Variants in EVI5 observed in about 807,000 individuals in gnomAD.
EVI5 encodes the protein ecotropic viral integration site 5 protein homolog.
EVI5 carries 73 observed loss-of-function variants against 112.0 expected under a neutral mutation model. The observed-to-expected ratio is 0.65, with a 90% CI of 0.54 to 0.79. EVI5 has a LOEUF of 0.79. Ranked by LOEUF, EVI5 falls within the 30% of genes least tolerant of loss-of-function variation. The pLI, the probability that EVI5 is intolerant of heterozygous loss-of-function variation, is 0.00. For missense variants in EVI5, 900 were observed against 968.8 expected, an observed-to-expected ratio of 0.93 and a Z score of 0.94; for synonymous variants, 305 against 319.9, an observed-to-expected ratio of 0.95 and a Z score of 0.50.
chr1:92,642,764 A>C (rs1401057894), intron 13 of EVI5, among the ~76,000 whole-genome samples: 3 of 151,928 alleles, frequency 2.0e-5, no homozygotes, highest in African/African-American at 7.3e-5. Flanking sequence ...GAATTATAGA[A>C]AAGGGAGGGA....
intron 2 of EVI5, among the ~76,000 whole-genome samples, chr1:92,721,990 C>G (rs1254972511): frequency 3.3e-5 from 5 of 152,168 alleles, no homozygotes; most frequent in Non-Finnish European, 7.3e-5. Flanking sequence ...TACCCTTTAG[C>G]ACTGTCTGTA....
intron 13 of EVI5, among the ~76,000 whole-genome samples, chr1:92,643,162 A>C (rs1364243759): frequency 6.6e-6 from 1 of 152,190 alleles, no homozygotes; most frequent in East Asian, 1.9e-4. Flanking sequence ...GGCTTCTTGG[A>C]AAAACTCATA....
chr1:92,698,319 G>A (rs929229564), intron 5 of EVI5, among the ~76,000 whole-genome samples: 10 of 152,126 alleles, frequency 6.6e-5, no homozygotes, highest in African/African-American at 2.4e-4. Context: ...TATTCTCAAG[G>A]AACCTGAATT....
chr1:92,743,301 C>T (rs1302613544), intron 1 of EVI5, among the ~76,000 whole-genome samples: 2 of 151,986 alleles, frequency 1.3e-5, no homozygotes, highest in Non-Finnish European at 2.9e-5. Context: ...TGCAGTGCAT[C>T]AAGATCGTGC....
chr1:92,551,605 A>G (rs1339120814), intron 19 of EVI5, among the ~76,000 whole-genome samples: 1 of 152,212 alleles, frequency 6.6e-6, no homozygotes, highest in Non-Finnish European at 1.5e-5. Context: ...AATATGCATA[A>G]TACTACAGTC....
intron 1 of EVI5, among the ~76,000 whole-genome samples, chr1:92,770,957 A>G (rs1057193783): frequency 1.3e-4 from 20 of 150,160 alleles, no homozygotes; most frequent in Non-Finnish European, 2.5e-4. Context: ...CTGGGATTAC[A>G]GGCACCTGAC....
chr1:92,585,625 CTA>C (rs1460264942), intron 18 of EVI5, among the ~76,000 whole-genome samples: 1 of 152,120 alleles, frequency 6.6e-6, no homozygotes, highest in Non-Finnish European at 1.5e-5. Flanking sequence ...CTCCTAAAAA[CTA>C]TGGACTCACA....
chr1:92,565,226 A>G (rs1011789767), intron 18 of EVI5, among the ~76,000 whole-genome samples: 4 of 152,122 alleles, frequency 2.6e-5, no homozygotes, highest in African/African-American at 4.8e-5. Context: ...TCTTTCCACG[A>G]TATTTTACAC....
intron 10 of EVI5, among the ~76,000 whole-genome samples, chr1:92,675,749 G>C (rs190560987): frequency 1.3e-3 from 193 of 152,248 alleles, no homozygotes; most frequent in African/African-American, 4.3e-3. Flanking sequence ...GAGGTCAGGA[G>C]ATCGAGACCA....
At chr1:92,675,469 T>G (rs962070776) in intron 10 of EVI5, among the ~76,000 whole-genome samples, 21 of 152,226 alleles carry the variant, frequency 1.4e-4, no homozygotes, top group Non-Finnish European at 7.3e-5. Flanking sequence ...GAGTAAGGAT[T>G]GTTCATAGAA....
chr1:92,578,386 T>C (rs1393083238), intron 18 of EVI5, among the ~76,000 whole-genome samples: 1 of 152,144 alleles, frequency 6.6e-6, no homozygotes, highest in Non-Finnish European at 1.5e-5. Context: ...TCCTCATAGG[T>C]GGCTTGAACT....
intron 1 of EVI5, among the ~76,000 whole-genome samples, chr1:92,737,621 C>CAAA (rs5776154): frequency 6.6e-6 from 1 of 150,968 alleles, no homozygotes; most frequent in African/African-American, 2.4e-5. Flanking sequence ...TGTACACACA[C>CAAA]AAAAAAAAAT....
intron 14 of EVI5, among the ~76,000 whole-genome samples, chr1:92,632,745 A>C (rs968798481): frequency 9.9e-5 from 15 of 151,886 alleles, no homozygotes; most frequent in African/African-American, 3.6e-4. Flanking sequence ...TTGCTTCTCT[A>C]GTTCTTTTAA....
intron 17 of EVI5, among the ~76,000 whole-genome samples, chr1:92,606,775 CCTA>C (rs1571852636): frequency 6.6e-6 from 1 of 152,002 alleles, no homozygotes; most frequent in Non-Finnish European, 1.5e-5. Flanking sequence ...GGGCATCATT[CCTA>C]CTATCTCACC....
chr1:92,687,339 G>A (rs1668722303), intron 9 of EVI5, among the ~76,000 whole-genome samples: 1 of 152,168 alleles, frequency 6.6e-6, no homozygotes, highest in Non-Finnish European at 1.5e-5. Context: ...CTAGCTATAT[G>A]TAGAAAGCTG....
At chr1:92,759,858 C>T (rs550048033) in intron 1 of EVI5, among the ~76,000 whole-genome samples, 2 of 131,278 alleles carry the variant, frequency 1.5e-5, no homozygotes, top group Admixed American at 7.9e-5. Flanking sequence ...TACAAATACC[C>T]TCCCCCCCAC....
At chr1:92,550,305 G>C (rs926040996) in intron 19 of EVI5, among the ~76,000 whole-genome samples, 2 of 139,198 alleles carry the variant, frequency 1.4e-5, no homozygotes, top group African/African-American at 2.7e-5. Context: ...AATGAGAACA[G>C]CTGGACACGG....
intron 13 of EVI5, among the ~76,000 whole-genome samples, chr1:92,658,799 C>T (rs1463526771): frequency 6.6e-6 from 1 of 152,014 alleles, no homozygotes; most frequent in Admixed American, 6.6e-5. Flanking sequence ...AAGAACAATA[C>T]TGGAGATATT....
At chr1:92,663,990 C>T (rs1270701127) in intron 11 of EVI5, among the ~76,000 whole-genome samples, 1 of 152,336 alleles carries the variant, frequency 6.6e-6, no homozygotes, top group South Asian at 2.1e-4. Flanking sequence ...TTACGCAATC[C>T]TCTTGTCTCA....
Sources: gnomAD v4.1 joint callset for allele counts (sites outside exome capture counted in the v4.1 genomes callset) on GRCh38, gnomAD v4.1.1 for gene constraint, MANE v1.5 for transcripts, NCBI Gene and HGNC (gene_info 2026-07-23, HGNC 2026-07-21) for gene names.